RNLS: variants seen among roughly 807,000 people sequenced by gnomAD.
RNLS encodes the protein renalase.
RNLS carries 39 observed loss-of-function variants against 39.8 expected under a neutral mutation model. The ratio of observed to expected loss-of-function variants is 0.98; its 90% CI spans 0.76 to 1.28. The LOEUF (loss-of-function observed/expected upper bound fraction) is 1.28, where lower values mean the gene tolerates loss of function less well. RNLS is among the 50% of genes most tolerant of loss of function. RNLS has a pLI of 0.00. For synonymous variants in RNLS, 147 were observed against 150.7 expected, an observed-to-expected ratio of 0.98 and a Z score of 0.18; for missense variants, 410 against 413.3, an observed-to-expected ratio of 0.99 and a Z score of 0.07.
intron 4 of RNLS, among the ~76,000 whole-genome samples, chr10:88,394,252 A>G (rs1852405690): frequency 6.6e-6 from 1 of 152,216 alleles, no homozygotes; most frequent in African/African-American, 2.4e-5. Flanking sequence ...CAGAGTGAAC[A>G]GGCAACCTAT....
the RNLS span, among the ~76,000 whole-genome samples, chr10:88,195,981 C>T: frequency 6.6e-6 from 1 of 152,066 alleles, no homozygotes; most frequent in Non-Finnish European, 1.5e-5. Flanking sequence ...AATTAGGATA[C>T]TTGTTCCTAT....
chr10:88,477,500 G>A (rs989898569), intron 4 of RNLS, among the ~76,000 whole-genome samples: 3 of 152,138 alleles, frequency 2.0e-5, no homozygotes, highest in African/African-American at 7.2e-5. Context: ...CAACAGCAAC[G>A]CTGATGTAAA....
the RNLS span, among the ~76,000 whole-genome samples, chr10:88,244,615 C>T: frequency 6.6e-6 from 1 of 151,924 alleles, no homozygotes; most frequent in African/African-American, 2.4e-5. Flanking sequence ...TGTATAAACC[C>T]TGCTGTATCA....
intron 5 of RNLS, among the ~76,000 whole-genome samples, chr10:88,319,227 A>C (rs145217827): frequency 1.3e-5 from 2 of 152,334 alleles, no homozygotes; most frequent in Non-Finnish European, 2.9e-5. Context: ...AAATGATCAT[A>C]CACAACATAC....
intron 4 of RNLS, among the ~76,000 whole-genome samples, chr10:88,426,506 G>C (rs1272764807): frequency 1.3e-5 from 2 of 152,002 alleles, no homozygotes; most frequent in African/African-American, 4.8e-5. Context: ...ACAAGAGGAA[G>C]TCAGGCCCCC....
chr10:88,296,618 G>T (rs565825484), intron 6 of RNLS, among the ~76,000 whole-genome samples: 30 of 152,236 alleles, frequency 2.0e-4, no homozygotes, highest in African/African-American at 5.8e-4. Flanking sequence ...ATTTAATGTT[G>T]TGTTCCTCAG....
intron 4 of RNLS, among the ~76,000 whole-genome samples, chr10:88,402,243 A>T (rs1452401863): frequency 6.6e-6 from 1 of 152,068 alleles, no homozygotes; most frequent in Non-Finnish European, 1.5e-5. Flanking sequence ...TGTCCATACA[A>T]AGGCATTATA....
At chr10:88,536,158 T>C (rs544949319) in intron 4 of RNLS, among the ~76,000 whole-genome samples, 76 of 152,096 alleles carry the variant, frequency 5.0e-4, no homozygotes, top group Non-Finnish European at 4.4e-5. Flanking sequence ...CTGGGTATAA[T>C]AGTGGTACCT....
intron 6 of RNLS, among the ~76,000 whole-genome samples, chr10:88,292,465 C>G (rs1240063114): frequency 6.6e-6 from 1 of 151,568 alleles, no homozygotes; most frequent in African/African-American, 2.4e-5. Context: ...TTATCTTTGC[C>G]TGTAAGAAAA....
At chr10:88,359,775 T>G (rs1849494159) in intron 5 of RNLS, among the ~76,000 whole-genome samples, 2 of 152,264 alleles carry the variant, frequency 1.3e-5, no homozygotes, top group South Asian at 4.1e-4. Flanking sequence ...CAAATTTGCA[T>G]AATTTTATAA....
intron 4 of RNLS, among the ~76,000 whole-genome samples, chr10:88,501,402 T>C (rs530810563): frequency 1.8e-4 from 28 of 152,274 alleles, no homozygotes; most frequent in African/African-American, 5.5e-4. Flanking sequence ...ACACTATGCC[T>C]TCCACAGCAA....
chr10:88,345,724 T>C (rs1393135491), intron 5 of RNLS, among the ~76,000 whole-genome samples: 1 of 152,132 alleles, frequency 6.6e-6, no homozygotes, highest in Non-Finnish European at 1.5e-5. Flanking sequence ...GCCATTATAG[T>C]TACAGTTCAG....
chr10:88,352,176 T>C (rs1437183155), intron 5 of RNLS, among the ~76,000 whole-genome samples: 3 of 152,292 alleles, frequency 2.0e-5, no homozygotes, highest in South Asian at 2.1e-4. Flanking sequence ...CTTTTCCTAA[T>C]TGAATACCCT....
intron 6 of RNLS, among the ~76,000 whole-genome samples, chr10:88,307,150 T>G (rs773159083): frequency 6.6e-6 from 1 of 152,206 alleles, no homozygotes; most frequent in African/African-American, 2.4e-5. Flanking sequence ...CTCGATAAAC[T>G]AGGTATTGAA....
intron 5 of RNLS, chr10:88,343,840 A>T: frequency 2.0e-6 from 2 of 983,598 alleles, no homozygotes; most frequent in South Asian, 9.4e-5. Flanking sequence ...GGGTTTCAAT[A>T]GTCCTTTAAT....
At chr10:88,279,667 T>A (rs916526796), downstream of RNLS, among the ~76,000 whole-genome samples, 1 of 152,160 alleles carries the variant, frequency 6.6e-6, no homozygotes, top group African/African-American at 2.4e-5. Context: ...GGAGATTCAC[T>A]AATCTTCAGC....
the RNLS span, among the ~76,000 whole-genome samples, chr10:88,246,668 C>T: frequency 4.6e-5 from 7 of 152,108 alleles, no homozygotes; most frequent in African/African-American, 9.6e-5. Flanking sequence ...CTCTCTCTCA[C>T]GGCTAGAATT....
At chr10:88,200,542 T>C in the RNLS span, among the ~76,000 whole-genome samples, 7 of 152,216 alleles carry the variant, frequency 4.6e-5, no homozygotes, top group Non-Finnish European at 8.8e-5. Flanking sequence ...TATGTCTGTC[T>C]CCAATTCATT....
At chr10:88,470,778 G>C (rs1483193303) in intron 4 of RNLS, among the ~76,000 whole-genome samples, 2 of 151,974 alleles carry the variant, frequency 1.3e-5, no homozygotes, top group Non-Finnish European at 2.9e-5. Flanking sequence ...ACCATGCCCG[G>C]CTAATTTTTG....
Sources: gnomAD v4.1 joint callset for allele counts (sites outside exome capture counted in the v4.1 genomes callset) on GRCh38, gnomAD v4.1.1 for gene constraint, MANE v1.5 for transcripts, NCBI Gene and HGNC (gene_info 2026-07-23, HGNC 2026-07-21) for gene names.